The following TMEM132D variants were observed in gnomAD, a reference collection of about 807,000 sequenced individuals.
TMEM132D encodes transmembrane protein 132D.
TMEM132D carries 21 observed loss-of-function variants against 62.3 expected under a neutral mutation model. The observed-to-expected ratio is 0.34, with a 90% CI of 0.24 to 0.49. The LOEUF (loss-of-function observed/expected upper bound fraction) is 0.49, where lower values mean the gene tolerates loss of function less well. Ranked by LOEUF, TMEM132D falls within the 20% of genes least tolerant of loss-of-function variation. TMEM132D has a pLI of 0.99. For synonymous variants in TMEM132D, 621 were observed against 575.6 expected (o/e 1.08, Z -1.13); for missense variants, 1,346 against 1,402.8 (o/e 0.96, Z 0.65).
intron 3 of TMEM132D, among the ~76,000 whole-genome samples, chr12:129,355,576 G>T (rs1870016967): frequency 6.6e-6 from 1 of 152,136 alleles, no homozygotes; most frequent in Non-Finnish European, 1.5e-5. Flanking sequence ...CCTTTCCTTG[G>T]AGATGTTCTT....
intron 5 of TMEM132D, among the ~76,000 whole-genome samples, chr12:129,091,210 G>A (rs1874899075): frequency 6.6e-6 from 1 of 151,900 alleles, no homozygotes; most frequent in Non-Finnish European, 1.5e-5. Context: ...GGGCTCTGGG[G>A]ACCTTACTTC....
intron 5 of TMEM132D, among the ~76,000 whole-genome samples, chr12:129,147,433 T>C (rs552131714): frequency 6.6e-6 from 1 of 152,142 alleles, no homozygotes; most frequent in East Asian, 1.9e-4. Flanking sequence ...AAGTACACAC[T>C]CTTGCATGAC....
chr12:129,138,747 TG>T (rs1195922718), intron 5 of TMEM132D, among the ~76,000 whole-genome samples: 2 of 152,178 alleles, frequency 1.3e-5, no homozygotes, highest in Non-Finnish European at 2.9e-5. Context: ...AGAACTTTTT[TG>T]ATCTTTGAAC....
At chr12:129,248,470 T>C (rs146384339) in intron 4 of TMEM132D, among the ~76,000 whole-genome samples, 1 of 152,262 alleles carries the variant, frequency 6.6e-6, no homozygotes, top group African/African-American at 2.4e-5. Context: ...CTGAAATTGC[T>C]AGATCCCCTC....
intron 3 of TMEM132D, among the ~76,000 whole-genome samples, chr12:129,477,726 C>A (rs577663818): frequency 6.6e-6 from 1 of 152,082 alleles, no homozygotes; most frequent in Non-Finnish European, 1.5e-5. Context: ...GAGGCTGAGG[C>A]AGGAGAATGG....
intron 3 of TMEM132D, among the ~76,000 whole-genome samples, chr12:129,422,415 G>C (rs994755981): frequency 6.6e-6 from 1 of 152,186 alleles, no homozygotes; most frequent in Non-Finnish European, 1.5e-5. Context: ...AGTCACAGAG[G>C]AGGAGTTGCT....
intron 3 of TMEM132D, among the ~76,000 whole-genome samples, chr12:129,429,642 G>C (rs1489640439): frequency 6.8e-6 from 1 of 147,874 alleles, no homozygotes; most frequent in Admixed American, 6.8e-5. Context: ...GTGCAGGTTT[G>C]TTACATATGT....
chr12:129,322,507 A>G (rs191654446), intron 4 of TMEM132D, among the ~76,000 whole-genome samples: 12 of 151,978 alleles, frequency 7.9e-5, no homozygotes, highest in Admixed American at 3.3e-4. Flanking sequence ...TAAAGAAGAC[A>G]TTCCGTTTAT....
chr12:129,644,453 C>T (rs954345635), intron 2 of TMEM132D, among the ~76,000 whole-genome samples: 12 of 152,184 alleles, frequency 7.9e-5, no homozygotes, highest in Admixed American at 2.6e-4. Context: ...ATCAGCCCCA[C>T]GAGGGCAATG....
chr12:129,841,004 G>A (rs1023817860), intron 1 of TMEM132D, among the ~76,000 whole-genome samples: 1 of 152,128 alleles, frequency 6.6e-6, no homozygotes, highest in African/African-American at 2.4e-5. Context: ...CAGAACTGGG[G>A]GAGTCTCTGG....
At chr12:129,805,967 G>C (rs1262071690) in intron 1 of TMEM132D, among the ~76,000 whole-genome samples, 5 of 132,838 alleles carry the variant, frequency 3.8e-5, no homozygotes, top group African/African-American at 1.1e-4. Context: ...GGCCATCAGA[G>C]AAATGCAAAT....
intron 1 of TMEM132D, among the ~76,000 whole-genome samples, chr12:129,842,526 T>C (rs1821219348): frequency 6.6e-6 from 1 of 152,114 alleles, no homozygotes; most frequent in South Asian, 2.1e-4. Context: ...TGGAGTGCAG[T>C]AGTGTGATCT....
intron 1 of TMEM132D, among the ~76,000 whole-genome samples, chr12:129,793,860 C>T (rs1424312425): frequency 6.6e-6 from 1 of 152,142 alleles, no homozygotes; most frequent in African/African-American, 2.4e-5. Context: ...CTAAAAATGC[C>T]ACAGGCCTGA....
At chr12:129,735,634 C>T (rs1039403560) in intron 1 of TMEM132D, among the ~76,000 whole-genome samples, 5 of 151,932 alleles carry the variant, frequency 3.3e-5, no homozygotes, top group African/African-American at 4.8e-5. Context: ...TTAAAAATAA[C>T]GTAGAGTGCA....
chr12:129,084,372 C>A (rs1413375171), intron 6 of TMEM132D, 125 bp downstream of exon 6: 2 of 952,310 alleles, frequency 2.1e-6, no homozygotes, highest in East Asian at 5.8e-5. Flanking sequence ...CAAATCCAAG[C>A]TGAGCGGTGG....
chr12:129,247,515 C>T (rs1880154420), intron 4 of TMEM132D, among the ~76,000 whole-genome samples: 2 of 152,202 alleles, frequency 1.3e-5, no homozygotes, highest in Non-Finnish European at 2.9e-5. Context: ...GCCAAATCCT[C>T]AGCAGCTTTC....
chr12:129,173,998 C>A (rs941268041), intron 5 of TMEM132D, among the ~76,000 whole-genome samples: 1 of 152,036 alleles, frequency 6.6e-6, no homozygotes, highest in East Asian at 1.9e-4. Context: ...GAGGGAAATA[C>A]GAATTTATTT....
intron 4 of TMEM132D, among the ~76,000 whole-genome samples, chr12:129,258,359 A>AT (rs1880464284): frequency 6.6e-6 from 1 of 152,186 alleles, no homozygotes; most frequent in Non-Finnish European, 1.5e-5. Context: ...AGCATCAAGC[A>AT]CACATATTTG....
chr12:129,285,539 A>AAAAAAAAAAAAAGAGAG (rs56018646), intron 4 of TMEM132D, among the ~76,000 whole-genome samples: 5 of 90,030 alleles, frequency 5.6e-5, no homozygotes, highest in Admixed American at 1.5e-4. Flanking sequence ...AAAAAAAAAA[A>AAAAAAAAAAAAAGAGAG]AGAGAGAGAG....
Sources: gnomAD v4.1 joint callset for allele counts (sites outside exome capture counted in the v4.1 genomes callset) on GRCh38, gnomAD v4.1.1 for gene constraint, MANE v1.5 for transcripts, NCBI Gene and HGNC (gene_info 2026-07-23, HGNC 2026-07-21) for gene names.